MACROD2: variants seen among roughly 807,000 people sequenced by gnomAD.
MACROD2 encodes ADP-ribose glycohydrolase MACROD2.
In MACROD2, 36 loss-of-function variants were observed where a neutral mutation model predicts 70.4. The observed-to-expected ratio is 0.51, with a 90% CI of 0.39 to 0.68. The LOEUF is 0.68. Among genes scored for constraint, MACROD2 ranks in the 30% least tolerant of loss-of-function variants. The pLI is 0.00. For synonymous variants in MACROD2, 172 were observed against 178.8 expected, an observed-to-expected ratio of 0.96 and a Z score of 0.30; for missense variants, 496 against 538.4, an observed-to-expected ratio of 0.92 and a Z score of 0.78.
chr20:14,670,556 C>T (rs919996657), intron 4 of MACROD2, among the ~76,000 whole-genome samples: 2 of 152,034 alleles, frequency 1.3e-5, no homozygotes, highest in Non-Finnish European at 2.9e-5. Context: ...TCTGTAATGA[C>T]CAAAGAGAAA....
At chr20:14,137,492 C>CTAT (rs1325864763) in intron 3 of MACROD2, among the ~76,000 whole-genome samples, 1 of 152,122 alleles carries the variant, frequency 6.6e-6, no homozygotes, top group Non-Finnish European at 1.5e-5. Context: ...AGGTGATTAA[C>CTAT]TATTGTTTGA....
At chr20:15,163,709 T>C (rs2076363718) in intron 5 of MACROD2, among the ~76,000 whole-genome samples, 1 of 152,058 alleles carries the variant, frequency 6.6e-6, no homozygotes, top group Non-Finnish European at 1.5e-5. Flanking sequence ...TTTTAACATT[T>C]TTAATGGATT....
chr20:14,823,683 C>T (rs1045056444), intron 5 of MACROD2, among the ~76,000 whole-genome samples: 3 of 152,152 alleles, frequency 2.0e-5, no homozygotes, highest in Non-Finnish European at 4.4e-5. Flanking sequence ...AGCTAATTCA[C>T]ATGACCATAC....
intron 8 of MACROD2, among the ~76,000 whole-genome samples, chr20:15,615,729 A>T (rs2049028070): frequency 6.6e-6 from 1 of 152,164 alleles, no homozygotes; most frequent in South Asian, 2.1e-4. Context: ...CCTCACACAC[A>T]AAAACAGACA....
chr20:14,898,780 G>A (rs976903743), intron 5 of MACROD2, among the ~76,000 whole-genome samples: 1 of 152,002 alleles, frequency 6.6e-6, no homozygotes, highest in Non-Finnish European at 1.5e-5. Flanking sequence ...CCTTTAGCTG[G>A]CTGAGTTTAG....
chr20:14,096,678 C>T (rs2054231363), intron 3 of MACROD2, among the ~76,000 whole-genome samples: 1 of 152,158 alleles, frequency 6.6e-6, no homozygotes, highest in Admixed American at 6.5e-5. Context: ...TAAAAACAGT[C>T]TTTGCATATA....
chr20:15,893,996 G>A (rs1011336491), intron 10 of MACROD2: 14 of 449,584 alleles, frequency 3.1e-5, no homozygotes, highest in Non-Finnish European at 4.9e-5. Context: ...CTGGGCTCTA[G>A]GGTCTCGCTT....
At chr20:15,530,429 T>C (rs1401999029) in intron 8 of MACROD2, among the ~76,000 whole-genome samples, 2 of 152,112 alleles carry the variant, frequency 1.3e-5, no homozygotes, top group Non-Finnish European at 2.9e-5. Flanking sequence ...TTCCAAGCTG[T>C]TTTTTTAATT....
rs56752104 is a variant in MACROD2 at position 15,206,721 on chromosome 20, G to GTT, written c.419-23194_419-23193dup. 1.5e-3 allele frequency among the ~76,000 whole-genome samples: 51 copies of GTT among 33,002 alleles called. 17 individuals carry two copies. The highest frequency in any genetic ancestry group is 1.9e-3 in the Non-Finnish European group (37 of 19,672). The allele number at this position is 33,002 out of a possible 152,430, so 21.7% of individuals were successfully genotyped here. A position where few individuals can be genotyped will look rare whatever the true frequency, so the allele number is the denominator to read the frequency against. On this transcript the variant is annotated intron_variant, in intron 5 of 17. Transcript: ENST00000684519. ...GCATGAAGTCTTTCATATTATCTAT[G>GTT]TTTTTTTTTTTTTTTTTTTTTTTTT...
intron 5 of MACROD2, among the ~76,000 whole-genome samples, chr20:14,698,200 TGATGGTTTTGGTCTTCCC>T (rs2062818027): frequency 1.3e-5 from 2 of 152,178 alleles, no homozygotes; most frequent in African/African-American, 4.8e-5. Flanking sequence ...TGAAAAGACC[TGATGGTTTTGGTCTTCCC>T]GTCTGGGATG....
chr20:15,278,287 T>A (rs966530678), intron 6 of MACROD2, among the ~76,000 whole-genome samples: 1 of 152,314 alleles, frequency 6.6e-6, no homozygotes, highest in South Asian at 2.1e-4. Flanking sequence ...ATCCTCATTA[T>A]GAAATAAGAC....
At chr20:14,896,675 T>C (rs1404719899) in intron 5 of MACROD2, among the ~76,000 whole-genome samples, 1 of 152,044 alleles carries the variant, frequency 6.6e-6, no homozygotes, top group East Asian at 1.9e-4. Context: ...ACATCAAGCA[T>C]TGATCTGCCT....
In MACROD2 at chr20:15,551,349, A is replaced by C. The variant is rs958783894; in HGVS notation, c.645+51502A>C. Among the ~76,000 whole-genome samples the C allele has an allele frequency of 5.3e-5, 8 of 151,988 alleles. No homozygotes were observed. The East Asian group carries it at 5.8e-4, about 11-fold the overall frequency. On this transcript the variant is annotated intron_variant, in intron 8 of 17. Transcript: ENST00000684519. ...CTCATTTAATATTTAAAAAAAAAAA[A>C]AAACTACATCTCTTGTCTTTTGTCA...
intron 8 of MACROD2, among the ~76,000 whole-genome samples, chr20:15,838,699 G>A (rs865954409): frequency 6.6e-6 from 1 of 152,124 alleles, no homozygotes; most frequent in Non-Finnish European, 1.5e-5. Context: ...GATCCCACAC[G>A]CACAAAAGCA....
intron 5 of MACROD2, among the ~76,000 whole-genome samples, chr20:15,189,316 ATGGGGG>A: frequency 6.6e-6 from 1 of 151,636 alleles, no homozygotes; most frequent in Non-Finnish European, 1.5e-5. Flanking sequence ...TTATAAGTGT[ATGGGGG>A]TATATATGTA....
chr20:16,016,137 C>T (rs554120471), intron 15 of MACROD2, among the ~76,000 whole-genome samples: 1 of 152,156 alleles, frequency 6.6e-6, no homozygotes, highest in African/African-American at 2.4e-5. Context: ...GTACTTGCCT[C>T]CTTGTCTACA....
At chr20:15,204,407 A>G (rs751714592) in intron 5 of MACROD2, among the ~76,000 whole-genome samples, 1 of 152,154 alleles carries the variant, frequency 6.6e-6, no homozygotes, top group Non-Finnish European at 1.5e-5. Flanking sequence ...GTCTAATTGC[A>G]TAGCATCAAT....
intron 5 of MACROD2, among the ~76,000 whole-genome samples, chr20:15,184,676 C>T (rs1378585174): frequency 6.6e-6 from 1 of 152,160 alleles, no homozygotes; most frequent in Non-Finnish European, 1.5e-5. Context: ...CATTGGCCAG[C>T]ACTCAGCCAC....
intron 6 of MACROD2, among the ~76,000 whole-genome samples, chr20:15,392,773 C>G (rs2045810446): frequency 6.6e-6 from 1 of 152,082 alleles, no homozygotes; most frequent in Non-Finnish European, 1.5e-5. Flanking sequence ...CTTCTTTCCT[C>G]TCTCCCTCCC....
Sources: allele counts gnomAD v4.1 joint callset (sites outside exome capture counted in the v4.1 genomes callset), GRCh38; gene constraint gnomAD v4.1.1; transcripts MANE v1.5; gene names NCBI Gene and HGNC (gene_info 2026-07-23, HGNC 2026-07-21).